GRM1: variants seen among roughly 807,000 people sequenced by gnomAD.
GRM1 encodes metabotropic glutamate receptor 1.
Under a neutral mutation model 90.9 loss-of-function variants are expected in GRM1, and 33 were observed. The ratio of observed to expected loss-of-function variants is 0.36; its 90% CI spans 0.28 to 0.49. The LOEUF (loss-of-function observed/expected upper bound fraction) is 0.49. GRM1 is among the 20% of genes least tolerant of loss of function. The pLI is 0.99. For missense variants in GRM1, 1,190 were observed against 1,534.3 expected, an observed-to-expected ratio of 0.78 and a Z score of 3.75; for synonymous variants, 700 against 613.2, an observed-to-expected ratio of 1.14 and a Z score of -2.09.
At chr6:146,204,340 C>G (rs564458280) in intron 2 of GRM1, among the ~76,000 whole-genome samples, 2 of 152,178 alleles carry the variant, frequency 1.3e-5, no homozygotes, top group Non-Finnish European at 2.9e-5. Flanking sequence ...ATTTCCTGAA[C>G]GTTTACGGTT....
At chr6:146,385,082 A>G (rs1196034810) in intron 5 of GRM1, among the ~76,000 whole-genome samples, 1 of 152,096 alleles carries the variant, frequency 6.6e-6, no homozygotes, top group Non-Finnish European at 1.5e-5. Flanking sequence ...GTCAGAAGAA[A>G]ACCTGAAGAA....
chr6:146,357,760 A>T (rs183890088), intron 5 of GRM1, 66 bp downstream of exon 5: 168 of 1,210,558 alleles, frequency 1.4e-4, no homozygotes, highest in Admixed American at 6.7e-4. Flanking sequence ...ATTAGTAAAG[A>T]ACAACACAGA....
intron 2 of GRM1, among the ~76,000 whole-genome samples, chr6:146,281,676 C>T (rs781212123): frequency 6.6e-6 from 1 of 152,054 alleles, no homozygotes; most frequent in Non-Finnish European, 1.5e-5. Context: ...TAATATACTT[C>T]TGGAAAAGGA....
At chr6:146,036,123 C>T (rs913648557) in intron 1 of GRM1, among the ~76,000 whole-genome samples, 3 of 151,954 alleles carry the variant, frequency 2.0e-5, no homozygotes, top group Non-Finnish European at 4.4e-5. Context: ...AGCTAATATA[C>T]AATAACTGCT....
chr6:146,128,809 G>A (rs1776288020), intron 1 of GRM1, among the ~76,000 whole-genome samples: 2 of 151,994 alleles, frequency 1.3e-5, no homozygotes, highest in Non-Finnish European at 2.9e-5. Context: ...TAAAAGAATT[G>A]TCTATGATCA....
chr6:146,078,317 A>C (rs1346923792), intron 1 of GRM1, among the ~76,000 whole-genome samples: 2 of 152,098 alleles, frequency 1.3e-5, no homozygotes, highest in African/African-American at 4.8e-5. Flanking sequence ...TGCCTTCCTT[A>C]TGTGTTGTTT....
intron 2 of GRM1, among the ~76,000 whole-genome samples, chr6:146,291,386 A>G (rs763928467): frequency 6.6e-6 from 1 of 150,706 alleles, no homozygotes; most frequent in Non-Finnish European, 1.5e-5. Flanking sequence ...CAGATATATT[A>G]TATATATATT....
intron 1 of GRM1, among the ~76,000 whole-genome samples, chr6:146,121,306 C>T (rs957039865): frequency 2.0e-5 from 3 of 151,928 alleles, no homozygotes; most frequent in South Asian, 2.1e-4. Flanking sequence ...TTTTTTATTG[C>T]GTCTATTTGA....
intron 2 of GRM1, among the ~76,000 whole-genome samples, chr6:146,248,291 A>G (rs991438649): frequency 6.6e-6 from 1 of 152,302 alleles, no homozygotes; most frequent in Non-Finnish European, 1.5e-5. Flanking sequence ...TACTGTCAAG[A>G]TAGGTGGATT....
rs377119907 is a variant in GRM1 at position 146,317,708 on chromosome 6, A to G, written c.1186+12862A>G. Among the ~76,000 whole-genome samples the G allele has an allele frequency of 5.3e-4, 81 of 152,348 alleles. No homozygotes were observed. In the South Asian group the frequency reaches 0.012, roughly 22 times the overall value. On this transcript the variant is annotated intron_variant, in intron 3 of 7. Transcript: ENST00000282753. ...GAAGCCAAACTATAGAACAGCTTCT[A>G]TCTGGAACATTGATAGTTGCAGCAT... is the stretch of plus-strand genomic sequence containing the variant.
intron 3 of GRM1, among the ~76,000 whole-genome samples, chr6:146,327,816 C>G (rs916712982): frequency 6.6e-6 from 1 of 152,190 alleles, no homozygotes; most frequent in Non-Finnish European, 1.5e-5. Flanking sequence ...CCTCACCCCC[C>G]ACTTTCCCTA....
chr6:146,284,845 T>C (rs1782699772), intron 2 of GRM1, among the ~76,000 whole-genome samples: 1 of 152,176 alleles, frequency 6.6e-6, no homozygotes. Context: ...GGTAGTGTCT[T>C]TATAGGAGTG....
At chr6:146,062,457 C>A (rs1272977205) in intron 1 of GRM1, among the ~76,000 whole-genome samples, 2 of 149,440 alleles carry the variant, frequency 1.3e-5, no homozygotes, top group East Asian at 3.9e-4. Flanking sequence ...CAAACCTGCA[C>A]AATCTGCACA....
chr6:146,275,613 C>G (rs1365375401), intron 2 of GRM1, among the ~76,000 whole-genome samples: 1 of 152,030 alleles, frequency 6.6e-6, no homozygotes, highest in Non-Finnish European at 1.5e-5. Context: ...ATCTTTAGCT[C>G]TAGCTCTTAC....
Position 146,275,738 on chromosome 6 carries a change from C to A in GRM1, c.951-28873C>A, listed in dbSNP as rs191803259. 1.1e-3 allele frequency among the ~76,000 whole-genome samples: 172 copies of A among 152,274 alleles called. 2 individuals are homozygous for A. The highest frequency in any genetic ancestry group is 3.4e-3 in the Middle Eastern group (1 of 294). The stretch of plus-strand genomic sequence containing the variant: ...ACATTTTTTCTCATTATTTTCTCTT[C>A]TAGCACACTGTTCTCGCCATCTAAT... On this transcript the variant is annotated intron_variant, in intron 2 of 7. Transcript: ENST00000282753.
intron 1 of GRM1, among the ~76,000 whole-genome samples, chr6:146,155,497 T>C (rs1419664682): frequency 6.6e-6 from 1 of 152,190 alleles, no homozygotes; most frequent in Non-Finnish European, 1.5e-5. Context: ...TCTCGGAACA[T>C]ATCCCTGTGG....
intron 2 of GRM1, among the ~76,000 whole-genome samples, chr6:146,182,132 A>G (rs1288997170): frequency 6.6e-6 from 1 of 152,150 alleles, no homozygotes; most frequent in Non-Finnish European, 1.5e-5. Flanking sequence ...CTATTTTGTT[A>G]ACCTTTTCAT....
At chr6:146,360,550 T>C (rs146861437) in intron 5 of GRM1, among the ~76,000 whole-genome samples, 31 of 152,220 alleles carry the variant, frequency 2.0e-4, no homozygotes, top group African/African-American at 7.2e-4. Flanking sequence ...AACAGCAGCA[T>C]CTACTCCCAC....
At chr6:146,257,766 G>C (rs1364955404) in intron 2 of GRM1, among the ~76,000 whole-genome samples, 2 of 151,322 alleles carry the variant, frequency 1.3e-5, no homozygotes, top group African/African-American at 4.9e-5. Flanking sequence ...TTTTGATTCA[G>C]GCTCTCAATG....
Sources: gnomAD v4.1 joint callset for allele counts (sites outside exome capture counted in the v4.1 genomes callset) on GRCh38, gnomAD v4.1.1 for gene constraint, MANE v1.5 for transcripts, NCBI Gene and HGNC (gene_info 2026-07-23, HGNC 2026-07-21) for gene names.